Variants in TOM1L2 observed in about 807,000 individuals in gnomAD.
TOM1L2 encodes the protein TOM1-like protein 2.
Under a neutral mutation model 67.9 loss-of-function variants are expected in TOM1L2, and 31 were observed. That is an observed-to-expected ratio of 0.46 (90% CI 0.34 to 0.62). TOM1L2 has a LOEUF of 0.62. Ranked by LOEUF, TOM1L2 falls within the 20% of genes least tolerant of loss-of-function variation. The pLI is 0.01. For synonymous variants in TOM1L2, 256 were observed against 254.0 expected (o/e 1.01, Z -0.07); for missense variants, 606 against 663.5 (o/e 0.91, Z 0.95).
intron 1 of TOM1L2, among the ~76,000 whole-genome samples, chr17:17,935,403 T>C (rs185503737): frequency 1.4e-4 from 21 of 152,344 alleles, no homozygotes; most frequent in Non-Finnish European, 2.2e-4. Flanking sequence ...TTGATTTAAA[T>C]TGGGCTTGCT....
intron 1 of TOM1L2, among the ~76,000 whole-genome samples, chr17:17,950,666 A>G (rs573839870): frequency 6.6e-6 from 1 of 152,150 alleles, no homozygotes. Context: ...CAATGTATTT[A>G]TTTATTTTAA....
At chr17:17,947,014 C>T (rs561415674) in intron 1 of TOM1L2, among the ~76,000 whole-genome samples, 2 of 152,276 alleles carry the variant, frequency 1.3e-5, no homozygotes, top group East Asian at 1.9e-4. Context: ...CGTACGCCAC[C>T]GTGCCAGCCT....
intron 1 of TOM1L2, among the ~76,000 whole-genome samples, chr17:17,964,483 T>A (rs947323804): frequency 2.0e-5 from 3 of 152,262 alleles, no homozygotes; most frequent in Non-Finnish European, 4.4e-5. Context: ...TATTCCATTA[T>A]GTGAAATAAG....
intron 1 of TOM1L2, among the ~76,000 whole-genome samples, chr17:17,917,766 G>A (rs1184898075): frequency 6.6e-6 from 1 of 151,930 alleles, no homozygotes; most frequent in Non-Finnish European, 1.5e-5. Context: ...AACAGCCTGG[G>A]CAACATAAGG....
intron 1 of TOM1L2, among the ~76,000 whole-genome samples, chr17:17,910,052 T>C (rs2039276999): frequency 6.6e-6 from 1 of 152,102 alleles, no homozygotes. Context: ...TGTTGAATGG[T>C]TAAAATGATA....
At chr17:17,871,320 G>A (rs1353626401) in intron 7 of TOM1L2, among the ~76,000 whole-genome samples, 2 of 151,896 alleles carry the variant, frequency 1.3e-5, no homozygotes, top group African/African-American at 2.4e-5. Flanking sequence ...GCAGTGAGCC[G>A]AGATCACGCC....
chr17:17,971,827 G>A (rs929507798), intron 1 of TOM1L2, among the ~76,000 whole-genome samples: 60 of 152,242 alleles, frequency 3.9e-4, no homozygotes, highest in African/African-American at 1.4e-3. Flanking sequence ...TGGGCCTCAG[G>A]GGTGCCTCCT....
At position 17,864,026 on chromosome 17, in the gene TOM1L2, G is replaced by A. The variant is rs140047115; in HGVS notation, c.1085-1178C>T. The stretch of plus-strand genomic sequence containing the variant: ...GGACTACAGGTGTGTGCCACCACTC[G>A]CAGCTAATTTTTTTGTATTTTTAGT... On this transcript the variant is annotated intron_variant, in intron 10 of 14. Transcript: ENST00000379504. 3.5e-3 allele frequency among the ~76,000 whole-genome samples: 538 copies of A among 151,720 alleles called. 2 individuals carry two copies. The highest frequency in any genetic ancestry group is 7.0e-3 in the Non-Finnish European group (475 of 67,908).
intron 1 of TOM1L2, among the ~76,000 whole-genome samples, chr17:17,960,750 G>A (rs540754267): frequency 6.6e-6 from 1 of 152,278 alleles, no homozygotes; most frequent in South Asian, 2.1e-4. Flanking sequence ...GATAATACCT[G>A]CCTTACAGAA....
At chr17:17,898,019 G>C (rs1387234350) in intron 3 of TOM1L2, among the ~76,000 whole-genome samples, 1 of 149,162 alleles carries the variant, frequency 6.7e-6, no homozygotes, top group Non-Finnish European at 1.5e-5. Flanking sequence ...TCCACCTCCC[G>C]GGTTCAAGCA....
intron 1 of TOM1L2, among the ~76,000 whole-genome samples, chr17:17,940,192 CAAAAAAAAAAAAAAA>C (rs34433429): frequency 6.1e-5 from 2 of 32,604 alleles, no homozygotes; most frequent in South Asian, 1.1e-3. Context: ...GACTCTATCT[CAAAAAAAAAAAAAAA>C]AAAAAAAAAA....
intron 1 of TOM1L2, among the ~76,000 whole-genome samples, chr17:17,959,182 A>G (rs946493223): frequency 2.6e-5 from 4 of 152,214 alleles, no homozygotes; most frequent in African/African-American, 9.6e-5. Flanking sequence ...TCCCCAATTT[A>G]TAGCCGGTCA....
intron 10 of TOM1L2, among the ~76,000 whole-genome samples, chr17:17,864,588 T>C (rs1298545051): frequency 6.6e-6 from 1 of 151,328 alleles, no homozygotes; most frequent in South Asian, 2.1e-4. Flanking sequence ...CTCGGCTCAC[T>C]GCAACCTCCG....
At chr17:17,888,061 C>G (rs909750893) in intron 4 of TOM1L2, among the ~76,000 whole-genome samples, 1 of 152,154 alleles carries the variant, frequency 6.6e-6, no homozygotes, top group Non-Finnish European at 1.5e-5. Flanking sequence ...TAACCTGAAG[C>G]CTGAGAGCAG....
At chr17:17,900,871 CT>C in intron 2 of TOM1L2, among the ~76,000 whole-genome samples, 1 of 152,254 alleles carries the variant, frequency 6.6e-6, no homozygotes, top group Non-Finnish European at 1.5e-5. Flanking sequence ...GACTGATTTC[CT>C]CTCTCCAAGG....
chr17:17,912,418 C>T (rs1162878681), intron 1 of TOM1L2, among the ~76,000 whole-genome samples: 1 of 151,528 alleles, frequency 6.6e-6, no homozygotes, highest in Non-Finnish European at 1.5e-5. Flanking sequence ...AGGGGCTCCT[C>T]ACTTCTCAGA....
At chr17:17,886,118 C>T (rs1291339210) in intron 4 of TOM1L2, among the ~76,000 whole-genome samples, 1 of 152,138 alleles carries the variant, frequency 6.6e-6, no homozygotes, top group Non-Finnish European at 1.5e-5. Context: ...CAGAATTTAA[C>T]TGTCTCCCTC....
chr17:17,864,536 G>C (rs1055323356), intron 10 of TOM1L2, among the ~76,000 whole-genome samples: 2 of 149,734 alleles, frequency 1.3e-5, no homozygotes, highest in Admixed American at 6.7e-5. Context: ...TTTTGAGATG[G>C]CATCTTGCTC....
intron 4 of TOM1L2, 125 bp downstream of exon 4, chr17:17,893,536 A>C: frequency 2.0e-6 from 2 of 977,864 alleles, no homozygotes; most frequent in Non-Finnish European, 3.0e-6. Context: ...ATTTTGCACC[A>C]AATATTTTAA....
Sources: allele counts gnomAD v4.1 joint callset (sites outside exome capture counted in the v4.1 genomes callset), GRCh38; gene constraint gnomAD v4.1.1; transcripts MANE v1.5; gene names NCBI Gene and HGNC (gene_info 2026-07-23, HGNC 2026-07-21).